The following SOS2 variants were observed in gnomAD, a reference collection of about 807,000 sequenced individuals.
SOS2 encodes the protein son of sevenless homolog 2.
SOS2 carries 65 observed loss-of-function variants against 148.2 expected under a neutral mutation model. That is an observed-to-expected ratio of 0.44 (90% CI 0.36 to 0.54). The LOEUF (loss-of-function observed/expected upper bound fraction) is 0.54. Ranked by LOEUF, SOS2 falls within the 20% of genes least tolerant of loss-of-function variation. The pLI is 0.00. For synonymous variants in SOS2, 539 were observed against 537.1 expected (o/e 1.00, Z -0.05); for missense variants, 1,341 against 1,590.2 (o/e 0.84, Z 2.67).
chr14:50,222,726 G>C (rs977863877), intron 1 of SOS2, among the ~76,000 whole-genome samples: 1 of 152,182 alleles, frequency 6.6e-6, no homozygotes, highest in African/African-American at 2.4e-5. Context: ...ACAAACAAGG[G>C]ACAATATTAA....
At chr14:50,153,218 C>T (rs778767897) in intron 12 of SOS2, 45 bp from the exon 13 acceptor site, 2 of 1,039,408 alleles carry the variant, frequency 1.9e-6, no homozygotes, top group Non-Finnish European at 3.0e-6. Flanking sequence ...CATAAGTGTT[C>T]AATTACACTT....
chr14:50,123,353 T>C (rs1397244331), intron 21 of SOS2, among the ~76,000 whole-genome samples: 3 of 149,632 alleles, frequency 2.0e-5, no homozygotes, highest in African/African-American at 7.4e-5. Context: ...GCTTTCACTG[T>C]GAGTGAGATG....
chr14:50,193,005 T>C (rs1886196514), intron 4 of SOS2, among the ~76,000 whole-genome samples: 1 of 152,160 alleles, frequency 6.6e-6, no homozygotes, highest in South Asian at 2.1e-4. Flanking sequence ...ACCTTTTTTT[T>C]GGTTTTTTTT....
chr14:50,135,071 C>CAA (rs746540364), intron 18 of SOS2, among the ~76,000 whole-genome samples: 19,041 of 56,524 alleles, frequency 0.34, 2,700 homozygotes, highest in Admixed American at 0.4. Context: ...GAGACTGTCT[C>CAA]AAAAAAAAAA....
intron 12 of SOS2, 85 bp downstream of exon 12, chr14:50,156,914 T>C: frequency 2.6e-6 from 2 of 760,612 alleles, no homozygotes; most frequent in Non-Finnish European, 4.1e-6. Flanking sequence ...GTGTTAACTA[T>C]ATATTGAAAA....
At chr14:50,174,958 T>C (rs8016397) in intron 7 of SOS2, among the ~76,000 whole-genome samples, 132,491 of 152,242 alleles carry the variant, frequency 0.87, 57,729 homozygotes, top group East Asian at 0.91. Context: ...ACTATTTCAC[T>C]AAACAATAAT....
intron 5 of SOS2, among the ~76,000 whole-genome samples, chr14:50,187,345 CTTTTT>C (rs5808541): frequency 2.6e-5 from 3 of 115,160 alleles, no homozygotes; most frequent in Non-Finnish European, 5.3e-5. Flanking sequence ...ATTATTGTTA[CTTTTT>C]TTTTTTTTTT....
intron 9 of SOS2, 141 bp downstream of exon 9, chr14:50,161,341 C>A: frequency 7.8e-6 from 5 of 640,524 alleles, no homozygotes; most frequent in South Asian, 5.3e-5. Flanking sequence ...AGTAAAAGAC[C>A]AACATAAAAG....
Position 50,134,214 on chromosome 14 carries a change from A to C in SOS2, c.2984T>G (p.Met995Arg). ...MRRFFENLNP[M>R]GSASEKEFTD... is the part of the protein sequence containing the mutation. ...AAACTCTTTTTCAGATGCACTTCCC[A>C]TGGGGTTAAGGTTTTCAAAGAATCT... Residue 995 changes from methionine to arginine, a missense_variant, in exon 19 of 23, where the codon ATG becomes AGG. By Grantham distance (91) the Met-to-Arg change is moderately conservative. This residue lies in a region of SOS2 where 408 missense variants were observed against 506.6 expected (regional missense o/e 0.81). Transcript: ENST00000216373. The C allele has an allele frequency of 6.3e-7, 1 of 1,593,118 alleles. No homozygotes were observed. The highest frequency in any genetic ancestry group is 8.6e-7 in the Non-Finnish European group (1 of 1,161,794).
intron 4 of SOS2, among the ~76,000 whole-genome samples, chr14:50,194,158 C>A (rs1028110972): frequency 3.9e-5 from 6 of 152,302 alleles, no homozygotes; most frequent in East Asian, 1.9e-4. Flanking sequence ...CAGCCTGCAG[C>A]CTGTTTTTGT....
At chr14:50,134,057 T>C in intron 19 of SOS2, 66 bp downstream of exon 19, 1 of 829,940 alleles carries the variant, frequency 1.2e-6, no homozygotes, top group Non-Finnish European at 2.1e-6. Flanking sequence ...GATAACAGGT[T>C]GTTAAACATT....
chr14:50,225,408 T>C (rs927072395), intron 1 of SOS2, among the ~76,000 whole-genome samples: 2 of 152,230 alleles, frequency 1.3e-5, no homozygotes, highest in African/African-American at 2.4e-5. Flanking sequence ...AAAAGACATA[T>C]AGTTGATTTA....
At chr14:50,150,834 T>C (rs1422921960) in intron 13 of SOS2, among the ~76,000 whole-genome samples, 1 of 152,160 alleles carries the variant, frequency 6.6e-6, no homozygotes, top group Non-Finnish European at 1.5e-5. Flanking sequence ...GCGATTCTCC[T>C]GCCTCAGCCT....
chr14:50,151,841 A>G (rs922834157), intron 13 of SOS2, among the ~76,000 whole-genome samples: 2 of 152,098 alleles, frequency 1.3e-5, no homozygotes, highest in African/African-American at 4.8e-5. Flanking sequence ...GCTTCACCTC[A>G]GCCTCCCGAG....
intron 1 of SOS2, among the ~76,000 whole-genome samples, chr14:50,225,182 T>G (rs1169086563): frequency 6.6e-6 from 1 of 152,186 alleles, no homozygotes; most frequent in African/African-American, 2.4e-5. Context: ...CTTGAACTCC[T>G]GGCCTCAAGC....
At chr14:50,179,687 A>G (rs1027060468) in intron 7 of SOS2, among the ~76,000 whole-genome samples, 3 of 152,176 alleles carry the variant, frequency 2.0e-5, no homozygotes, top group African/African-American at 7.2e-5. Context: ...TTAGATGTAG[A>G]AGTTTTACAT....
intron 18 of SOS2, among the ~76,000 whole-genome samples, chr14:50,137,373 C>G (rs2180251): frequency 1.3e-5 from 2 of 152,208 alleles, no homozygotes; most frequent in Non-Finnish European, 2.9e-5. Flanking sequence ...CTACATGTAA[C>G]ATTATCTAAA....
intron 8 of SOS2, among the ~76,000 whole-genome samples, chr14:50,166,147 G>C (rs1312410165): frequency 6.6e-6 from 1 of 152,194 alleles, no homozygotes; most frequent in Admixed American, 6.5e-5. Flanking sequence ...CTCTGGAAAA[G>C]AGGTCAAAGA....
intron 1 of SOS2, among the ~76,000 whole-genome samples, chr14:50,228,394 T>C (rs1295177369): frequency 6.6e-6 from 1 of 152,172 alleles, no homozygotes; most frequent in Non-Finnish European, 1.5e-5. Context: ...GCCTACTCTT[T>C]TATGTTTCTT....
Sources: allele counts gnomAD v4.1 joint callset (sites outside exome capture counted in the v4.1 genomes callset), GRCh38; gene constraint gnomAD v4.1.1; regional missense constraint gnomAD v4.1.1; transcripts MANE v1.5; gene names NCBI Gene and HGNC (gene_info 2026-07-23, HGNC 2026-07-21).